The following XPO7 variants were observed in gnomAD, a reference collection of about 807,000 sequenced individuals.
XPO7 encodes the protein exportin 7.
A neutral mutation model predicts 144.3 loss-of-function variants in XPO7; 21 were observed. That is an observed-to-expected ratio of 0.15 (90% CI 0.10 to 0.21). XPO7 has a LOEUF of 0.21. XPO7 is among the 10% of genes least tolerant of loss of function. The pLI, the probability that XPO7 is intolerant of heterozygous loss-of-function variation, is 1.00. For synonymous variants in XPO7, 580 were observed against 499.6 expected, an observed-to-expected ratio of 1.16 and a Z score of -2.15; for missense variants, 808 against 1,325.8, an observed-to-expected ratio of 0.61 and a Z score of 6.06.
chr8:21,977,989 C>A, intron 8 of XPO7, 146 bp downstream of exon 8: 1 of 716,980 alleles, frequency 1.4e-6, no homozygotes, highest in Non-Finnish European at 2.2e-6. Context: ...TGAGATTAAG[C>A]TTGTAGCCTA....
chr8:21,920,646 A>G lies in XPO7; in HGVS notation c.18+858A>G, dbSNP rs140334909. 3.8e-3 allele frequency among the ~76,000 whole-genome samples: 581 copies of G among 152,196 alleles called. 3 individuals carry two copies. Among genetic ancestry groups the G allele is most frequent in the Non-Finnish European group, 6.7e-3 (458 of 68,008 alleles). On this transcript the variant is annotated intron_variant, in intron 1 of 27. Transcript: ENST00000252512. ...CCTAGAAAGGGACAGCCCATACCAA[A>G]CCCAGTAGCAGATGGAGGACTGCAG... is the stretch of plus-strand genomic sequence containing the variant.
At chr8:21,944,893 C>A (rs969267874) in intron 1 of XPO7, among the ~76,000 whole-genome samples, 2 of 152,174 alleles carry the variant, frequency 1.3e-5, no homozygotes, top group Non-Finnish European at 2.9e-5. Flanking sequence ...TTAGTGGACA[C>A]AGCACATGTT....
intron 1 of XPO7, among the ~76,000 whole-genome samples, chr8:21,958,915 C>T (rs890151693): frequency 4.0e-5 from 6 of 148,796 alleles, no homozygotes; most frequent in South Asian, 2.1e-4. Flanking sequence ...GAGCCGAGTT[C>T]GCGCCACTAC....
chr8:21,982,521 A>C, intron 10 of XPO7, 119 bp from the exon 11 acceptor site: 1 of 1,222,874 alleles, frequency 8.2e-7, no homozygotes, highest in Non-Finnish European at 1.1e-6. Flanking sequence ...CAAAGCCCAC[A>C]AAAGTCTATC....
intron 1 of XPO7, among the ~76,000 whole-genome samples, chr8:21,931,017 A>T (rs909978116): frequency 4.0e-5 from 6 of 151,490 alleles, no homozygotes; most frequent in African/African-American, 1.5e-4. Context: ...TAATTGTTGT[A>T]TTTTTTGGTA....
rs758117636 is a variant in XPO7, at chr8:21,985,635, G to A, written c.1521G>A (p.Arg507=). 4 of 1,613,804 alleles carry A rather than the reference G, an allele frequency of 2.5e-6. No homozygotes were observed. The South Asian group carries it at 4.4e-5, about 18-fold the overall frequency. The change falls in exon 13 of 28, where the codon CGG becomes CGA. Residue 507 remains arginine, a synonymous_variant. Coordinates refer to ENST00000252512, the MANE Select transcript of XPO7 (RefSeq NM_015024.5). ...TTATTGGAGCAGTGATCGGTGGCCGGGTTTCTTTTGCCAGCACTGATGAGC... is the reference window on the plus strand; with the variant it reads ...TTATTGGAGCAGTGATCGGTGGCCGAGTTTCTTTTGCCAGCACTGATGAGC... The part of the protein sequence containing the change: ...VYIIGAVIGG[R]VSFASTDEQD...
chr8:22,003,678 T>G (rs1813229317), intron 26 of XPO7, among the ~76,000 whole-genome samples: 1 of 152,252 alleles, frequency 6.6e-6, no homozygotes, highest in Non-Finnish European at 1.5e-5. Context: ...CTGGATAAGA[T>G]GACCCTTTTA....
chr8:21,972,180 T>C (rs1812084758), intron 5 of XPO7, among the ~76,000 whole-genome samples: 1 of 152,126 alleles, frequency 6.6e-6, no homozygotes, highest in Non-Finnish European at 1.5e-5. Context: ...TCTTAGCTTT[T>C]TTTTTTTTAT....
At chr8:21,987,636 G>C in intron 14 of XPO7, 148 bp from the exon 15 acceptor site, 1 of 896,340 alleles carries the variant, frequency 1.1e-6, no homozygotes, top group Non-Finnish European at 1.7e-6. Context: ...AGTAATACTT[G>C]GAAACTAGCT....
intron 16 of XPO7, 88 bp from the exon 17 acceptor site, chr8:21,990,256 G>T: frequency 7.5e-7 from 1 of 1,324,510 alleles, no homozygotes; most frequent in South Asian, 1.2e-5. Flanking sequence ...ATATTTGGGT[G>T]AACTGTCCTT....
chr8:21,942,761 GTATT>G lies in XPO7; in HGVS notation c.18+22981_18+22984del, dbSNP rs1174297245. Among the ~76,000 whole-genome samples the G allele has an allele frequency of 2.0e-5, 3 of 152,332 alleles. 1 individual carries two copies. The East Asian group carries it at 5.8e-4, about 29-fold the overall frequency. ...CATGAAAACCCTTTGGTATGCAGCAGTATTTATTTATGCTTCCCATATTGTCACA... is the reference window on the plus strand; with the variant it reads ...CATGAAAACCCTTTGGTATGCAGCAGTATTTATGCTTCCCATATTGTCACA... On this transcript the variant is annotated intron_variant, in intron 1 of 27. Coordinates refer to ENST00000252512, the MANE Select transcript of XPO7 (RefSeq NM_015024.5).
chr8:21,970,219 A>G lies in XPO7; in HGVS notation c.335A>G (p.Tyr112Cys). 6.2e-7 allele frequency: 1 copy of G among 1,613,888 alleles called. No homozygotes were observed. Among genetic ancestry groups the G allele is most frequent in the Non-Finnish European group, 8.5e-7 (1 of 1,179,858 alleles). The change falls in exon 4 of 28, where the codon TAT becomes TGT. Residue 112 changes from tyrosine (Y) to cysteine (C), a missense_variant. Around this residue, in one of 5 missense-constraint regions of XPO7, gnomAD observed 223 missense variants for 368.8 expected, o/e 0.60. Transcript: ENST00000252512. ...TFVTQALIQL[Y>C]ARITKLGWFD... ...GTGACACAAGCACTTATTCAGTTAT[A>G]TGCCAGAATCACAAAACTGGGCTGG...
Position 21,990,417 on chromosome 8 carries a change from T to C in XPO7, c.1932+10T>C. 1 of 1,613,182 alleles carries C rather than the reference T, an allele frequency of 6.2e-7. No individual in the cohort carries two copies. Among genetic ancestry groups the C allele is most frequent in the South Asian group, 1.1e-5 (1 of 91,064 alleles). On this transcript the variant is annotated intron_variant, in intron 17 of 27. Coordinates refer to ENST00000252512, the MANE Select transcript of XPO7 (RefSeq NM_015024.5). Reference sequence around the variant, plus strand: ...GCTGAACAATCACACGGTGAGTGATTTTAGCTTTTTTTCCTGGCCCTCCTA... The same window carrying C: ...GCTGAACAATCACACGGTGAGTGATCTTAGCTTTTTTTCCTGGCCCTCCTA...
At chr8:21,934,362 T>C (rs1019632152) in intron 1 of XPO7, among the ~76,000 whole-genome samples, 23 of 152,112 alleles carry the variant, frequency 1.5e-4, no homozygotes, top group African/African-American at 5.1e-4. Flanking sequence ...GGAGAAACCC[T>C]GTCTCTACTA....
chr8:21,929,350 A>G (rs191074623), intron 1 of XPO7, among the ~76,000 whole-genome samples: 341 of 152,338 alleles, frequency 2.2e-3, no homozygotes, highest in Non-Finnish European at 4.0e-3. Flanking sequence ...GCAAATGGAT[A>G]TATTTTGTTA....
chr8:22,002,897 GGGATCATGCAA>G lies in XPO7; in HGVS notation c.2944-319_2944-309del, dbSNP rs1477147543. ...AGCTGTCAACTCCGAGTACCTGGAA[GGGATCATGCAA>G]GGTGGTTTTGCTTACTGTAATTTTG... On this transcript the variant is annotated intron_variant, in intron 25 of 27. Coordinates refer to ENST00000252512, the MANE Select transcript of XPO7 (RefSeq NM_015024.5). 8 of 203,830 alleles carry G rather than the reference GGGATCATGCAA, an allele frequency of 3.9e-5. No homozygotes were observed. In the East Asian group the frequency reaches 9.7e-4, roughly 25 times the overall value. 12.6% of individuals were successfully genotyped at this position (203,830 alleles called of 1,614,324 possible). A position where few individuals can be genotyped will look rare whatever the true frequency, so the allele number is the denominator to read the frequency against.
intron 14 of XPO7, 140 bp downstream of exon 14, chr8:21,987,416 T>A: frequency 7.8e-7 from 1 of 1,274,104 alleles, no homozygotes; most frequent in Non-Finnish European, 1.1e-6. Context: ...TCTTAGTCTT[T>A]AAATTCTGGG....
intron 1 of XPO7, among the ~76,000 whole-genome samples, chr8:21,945,503 G>C (rs951144392): frequency 3.3e-5 from 5 of 152,200 alleles, no homozygotes; most frequent in African/African-American, 1.2e-4. Context: ...AAACAGGAAA[G>C]ATACAGTTTA....
chr8:21,950,555 A>G (rs1363355322), intron 1 of XPO7, among the ~76,000 whole-genome samples: 2 of 152,206 alleles, frequency 1.3e-5, no homozygotes, highest in South Asian at 2.1e-4. Flanking sequence ...TAGATTGTCA[A>G]ATTAGTTTCA....
Sources: gnomAD v4.1 joint callset for allele counts (sites outside exome capture counted in the v4.1 genomes callset) on GRCh38, gnomAD v4.1.1 for gene constraint, gnomAD v4.1.1 regional missense constraint, MANE v1.5 for transcripts, NCBI Gene and HGNC (gene_info 2026-07-23, HGNC 2026-07-21) for gene names.